Variants in RFTN1 observed in about 807,000 individuals in gnomAD.
The protein encoded by RFTN1 is raftlin, lipid raft linker 1, also known as raftlin.
Under a neutral mutation model 46.5 loss-of-function variants are expected in RFTN1, and 26 were observed. That is an observed-to-expected ratio of 0.56 (90% CI 0.41 to 0.78). The LOEUF is 0.78. RFTN1 is among the 30% of genes least tolerant of loss of function. The pLI, the probability that RFTN1 is intolerant of heterozygous loss-of-function variation, is 0.00. For synonymous variants in RFTN1, 261 were observed against 284.2 expected (o/e 0.92, Z 0.82); for missense variants, 693 against 718.7 (o/e 0.96, Z 0.41).
Position 16,377,780 on chromosome 3 carries a change from C to G in RFTN1, c.764G>C (p.Ser255Thr), listed in dbSNP as rs547693983. Residue 255 changes from serine (S) to threonine (T), a missense_variant, in exon 5 of 10, where the codon AGC becomes ACC. Transcript: ENST00000334133. The stretch of plus-strand genomic sequence containing the variant: ...GCTCTCCGGTCCATCCAGTGTCTTG[C>G]TCACCCCCTGTGGTGAAAGTTCTCC... ...DGGELSPQGV[S>T]KTLDGPESNP... is the part of the protein sequence containing the mutation. The G allele has an allele frequency of 6.2e-7, 1 of 1,614,014 alleles. No homozygotes were observed. The highest frequency in any genetic ancestry group is 1.3e-5 in the African/African-American group (1 of 75,032).
At chr3:16,502,177 G>A (rs772303892) in intron 1 of RFTN1, among the ~76,000 whole-genome samples, 1 of 151,988 alleles carries the variant, frequency 6.6e-6, no homozygotes, top group African/African-American at 2.4e-5. Flanking sequence ...GACTAGCCTG[G>A]GCAACATGGC....
chr3:16,325,513 C>G (rs2069603186), intron 8 of RFTN1, among the ~76,000 whole-genome samples: 1 of 152,182 alleles, frequency 6.6e-6, no homozygotes, highest in African/African-American at 2.4e-5. Flanking sequence ...GAAACTGACT[C>G]AGAGAAGCTA....
intron 2 of RFTN1, among the ~76,000 whole-genome samples, chr3:16,467,212 A>G (rs1203142617): frequency 6.6e-6 from 1 of 152,152 alleles, no homozygotes; most frequent in Non-Finnish European, 1.5e-5. Context: ...GAGATGCTGG[A>G]AAGAATAATC....
chr3:16,394,429 A>G (rs1288517379), intron 4 of RFTN1, among the ~76,000 whole-genome samples: 2 of 152,156 alleles, frequency 1.3e-5, no homozygotes, highest in African/African-American at 4.8e-5. Context: ...CACACAAATG[A>G]ACACCAATGA....
chr3:16,390,627 A>G (rs1348702703), intron 4 of RFTN1, among the ~76,000 whole-genome samples: 1 of 152,270 alleles, frequency 6.6e-6, no homozygotes, highest in Admixed American at 6.5e-5. Flanking sequence ...CAAAAGCAAT[A>G]AAGAATGATG....
At chr3:16,377,116 C>G (rs1475181748) in intron 5 of RFTN1, among the ~76,000 whole-genome samples, 1 of 151,990 alleles carries the variant, frequency 6.6e-6, no homozygotes, top group Non-Finnish European at 1.5e-5. Flanking sequence ...AAAGGAAATA[C>G]AGAGAAACGG....
chr3:16,377,556 A>G (rs2073824384), intron 5 of RFTN1, among the ~76,000 whole-genome samples, 162 bp downstream of exon 5: 1 of 152,234 alleles, frequency 6.6e-6, no homozygotes, highest in African/African-American at 2.4e-5. Flanking sequence ...GTAAACAGTC[A>G]GGTGGCACAG....
rs566396408 is a variant in RFTN1 at position 16,493,997 on chromosome 3, T to A, written c.-8-120A>T. 4.4e-5 allele frequency: 48 copies of A among 1,086,786 alleles called. No individual in the cohort carries two copies. The East Asian group carries it at 1.1e-3, about 24-fold the overall frequency. The allele number at this position is 1,086,786 out of a possible 1,614,324, so 67.3% of individuals were successfully genotyped here. ...AATACATGACAGACCTCAGCCCTTA[T>A]GAAACTGAGAGTATAATTTAATATA... On this transcript the variant is annotated intron_variant, in intron 1 of 9. Transcript: ENST00000334133.
chr3:16,331,444 A>G (rs893420521), intron 7 of RFTN1, among the ~76,000 whole-genome samples: 4 of 152,184 alleles, frequency 2.6e-5, no homozygotes, highest in Non-Finnish European at 5.9e-5. Context: ...ACAGTTTTGC[A>G]AATATTGCTC....
At chr3:16,395,118 AATT>A (rs1489506945) in intron 4 of RFTN1, among the ~76,000 whole-genome samples, 6 of 152,260 alleles carry the variant, frequency 3.9e-5, no homozygotes, top group African/African-American at 7.2e-5. Context: ...TGTGCAATTA[AATT>A]ATTATAAGCA....
chr3:16,339,991 G>C (rs1281812449), intron 7 of RFTN1: 1 of 152,204 alleles, frequency 6.6e-6, no homozygotes, highest in African/African-American at 2.4e-5. Flanking sequence ...AATTTGCCAG[G>C]ATGCTGTGTT....
chr3:16,462,815 A>G (rs545749285), intron 2 of RFTN1, among the ~76,000 whole-genome samples: 1 of 152,348 alleles, frequency 6.6e-6, no homozygotes, highest in East Asian at 1.9e-4. Flanking sequence ...GTCTCGTTTG[A>G]CCTTTAAACT....
At chr3:16,372,993 A>G (rs948652547) in intron 5 of RFTN1, among the ~76,000 whole-genome samples, 1 of 152,172 alleles carries the variant, frequency 6.6e-6, no homozygotes, top group African/African-American at 2.4e-5. Context: ...CCACATGGAA[A>G]CCAGCCAAGA....
chr3:16,487,001 T>C (rs889429183), intron 2 of RFTN1, among the ~76,000 whole-genome samples: 2 of 152,036 alleles, frequency 1.3e-5, no homozygotes, highest in African/African-American at 4.8e-5. Flanking sequence ...TCCCTCCCTC[T>C]CTGCCATGTG....
Position 16,447,541 on chromosome 3 carries a change from T to A in RFTN1, c.146-13504A>T, listed in dbSNP as rs950512672. Among the ~76,000 whole-genome samples, 28 of 152,174 alleles carry A rather than the reference T, an allele frequency of 1.8e-4. No homozygotes were observed. The highest frequency in any genetic ancestry group is 6.8e-4 in the African/African-American group (28 of 41,434). ...TTCTGCTTTTCAGAGGCATTTTGGT[T>A]CCCACTAAAGAAAACGGGGTCCCTA... On this transcript the variant is annotated intron_variant, in intron 2 of 9. Coordinates refer to ENST00000334133, the MANE Select transcript of RFTN1 (RefSeq NM_015150.2). The surrounding 1 kb of genome is among the most constrained non-coding windows in gnomAD (Gnocchi z 5.9).
At chr3:16,493,699 C>T (rs1367093227) in intron 2 of RFTN1, 26 bp downstream of exon 2, 2 of 1,604,974 alleles carry the variant, frequency 1.2e-6, no homozygotes, top group Non-Finnish European at 1.7e-6. Flanking sequence ...CACCTGCCCC[C>T]ATCCATTCCC....
rs1253186402 is a variant in RFTN1, at chr3:16,499,713, C to T, written c.-8-5836G>A. Among the ~76,000 whole-genome samples the T allele has an allele frequency of 1.3e-5, 2 of 152,200 alleles. No homozygotes were observed. Among genetic ancestry groups the T allele is most frequent in the African/African-American group, 2.4e-5 (1 of 41,446 alleles). ...TCTGCTCGAAATGACCATGGCCTGC[C>T]GCCTCCTTGGCACCTGCTGAAGTTG... On this transcript the variant is annotated intron_variant, in intron 1 of 9. Transcript: ENST00000334133. This position sits in a 1 kb window ranked among gnomAD's most constrained non-coding sequence, Gnocchi z 4.9.
Position 16,449,019 on chromosome 3 carries a change from T to C in RFTN1, c.146-14982A>G, listed in dbSNP as rs1284447255. Reference sequence around the variant, plus strand: ...GGCAACATCTCCCTCACACACTTAATAAATGCATCCGTGTGGTATTAATGT... The same window carrying C: ...GGCAACATCTCCCTCACACACTTAACAAATGCATCCGTGTGGTATTAATGT... On this transcript the variant is annotated intron_variant, in intron 2 of 9. Coordinates refer to ENST00000334133, the MANE Select transcript of RFTN1 (RefSeq NM_015150.2). This position sits in a 1 kb window ranked among gnomAD's most constrained non-coding sequence, Gnocchi z 5.1. Among the ~76,000 whole-genome samples, 3 of 152,240 alleles carry C rather than the reference T, an allele frequency of 2.0e-5. No individual in the cohort carries two copies. Among genetic ancestry groups the C allele is most frequent in the Admixed American group, 1.3e-4 (2 of 15,286 alleles).
At position 16,402,794 on chromosome 3, in the gene RFTN1, G is replaced by A. The variant is rs543378320; in HGVS notation, c.441+6581C>T. Among the ~76,000 whole-genome samples, 23 of 152,250 alleles carry A rather than the reference G, an allele frequency of 1.5e-4. No individual in the cohort carries two copies. Among genetic ancestry groups the A allele is most frequent in the Admixed American group, 5.9e-4 (9 of 15,294 alleles). On this transcript the variant is annotated intron_variant, in intron 4 of 9. Transcript: ENST00000334133. This position sits in a 1 kb window ranked among gnomAD's most constrained non-coding sequence, Gnocchi z 4.5. ...CGGTTTTCTGAAGGACAATGTACTC[G>A]GTTTAATCCAGGACAGTACACTCAT...
Sources: allele counts gnomAD v4.1 joint callset (sites outside exome capture counted in the v4.1 genomes callset), GRCh38; gene constraint gnomAD v4.1.1; non-coding constraint Gnocchi (gnomAD v3.1); transcripts MANE v1.5; gene names NCBI Gene and HGNC (gene_info 2026-07-23, HGNC 2026-07-21).